Variants in PIEZO2 observed in about 807,000 individuals in gnomAD.
PIEZO2 encodes piezo type mechanosensitive ion channel component 2.
Under a neutral mutation model 337.3 loss-of-function variants are expected in PIEZO2, and 172 were observed. That is an observed-to-expected ratio of 0.51 (90% CI 0.45 to 0.58). PIEZO2 has a LOEUF of 0.58. PIEZO2 is among the 20% of genes least tolerant of loss of function. PIEZO2 has a pLI of 0.00. For synonymous variants in PIEZO2, 1,251 were observed against 1,228.5 expected, an observed-to-expected ratio of 1.02 and a Z score of -0.38; for missense variants, 3,028 against 3,391.3, an observed-to-expected ratio of 0.89 and a Z score of 2.66.
intron 2 of PIEZO2, among the ~76,000 whole-genome samples, chr18:11,004,320 G>A (rs1277950128): frequency 6.6e-6 from 1 of 152,124 alleles, no homozygotes; most frequent in Non-Finnish European, 1.5e-5. Context: ...TCCAGATTGG[G>A]GGCTTGGCCC....
At position 11,021,640 on chromosome 18, in the gene PIEZO2, T is replaced by C. The variant is rs1598840678; in HGVS notation, c.161-41980A>G. ...TGGGGGACTTTGAGTCTCACGGATC[T>C]GGTGATCCAGCACACAGCTCGTGCT... On this transcript the variant is annotated intron_variant, in intron 2 of 55. Transcript: ENST00000674853. This position sits in a 1 kb window ranked among gnomAD's most constrained non-coding sequence, Gnocchi z 4.7. Among the ~76,000 whole-genome samples the C allele has an allele frequency of 6.6e-6, 1 of 152,352 alleles. No homozygotes were observed. The highest frequency in any genetic ancestry group is 1.5e-5 in the Non-Finnish European group (1 of 68,036).
intron 3 of PIEZO2, among the ~76,000 whole-genome samples, chr18:10,947,163 TG>T (rs2033066384): frequency 1.3e-5 from 2 of 152,046 alleles, no homozygotes; most frequent in Admixed American, 1.3e-4. Context: ...GAAAAAAATC[TG>T]TAGAAAAAAA....
chr18:10,849,419 G>GA (rs11421390), intron 7 of PIEZO2, among the ~76,000 whole-genome samples: 51,359 of 152,040 alleles, frequency 0.34, 9,634 homozygotes, highest in African/African-American at 0.52. Context: ...CCACCAAGTA[G>GA]AAAAACTCAA....
At position 10,861,105 on chromosome 18, in the gene PIEZO2, TATA is replaced by T. The variant is rs1396451693; in HGVS notation, c.493-3897_493-3895del. ...CCCCAAAGTGATTCTTCTGCTGATG[TATA>T]AACACTGAACCTCTGAAAGAGCATG... On this transcript the variant is annotated intron_variant, in intron 5 of 55. Coordinates refer to ENST00000674853, the MANE Select transcript of PIEZO2 (RefSeq NM_001378183.1). This position sits in a 1 kb window ranked among gnomAD's most constrained non-coding sequence, Gnocchi z 4.3. 1.3e-5 allele frequency among the ~76,000 whole-genome samples: 2 copies of T among 152,212 alleles called. No individual in the cohort carries two copies. The highest frequency in any genetic ancestry group is 1.3e-4 in the Admixed American group (2 of 15,288).
chr18:11,030,349 T>C (rs767075630), intron 2 of PIEZO2, among the ~76,000 whole-genome samples: 14 of 151,954 alleles, frequency 9.2e-5, no homozygotes, highest in Non-Finnish European at 1.9e-4. Flanking sequence ...GAAAAGAGAG[T>C]ATTGCTTTTT....
rs1192311891 is a variant in PIEZO2, at chr18:10,833,362, T to C, written c.917+21991A>G. Among the ~76,000 whole-genome samples the C allele has an allele frequency of 6.6e-6, 1 of 152,174 alleles. No individual in the cohort carries two copies. Among genetic ancestry groups the C allele is most frequent in the Non-Finnish European group, 1.5e-5 (1 of 68,028 alleles). ...GTACTTCGGAGCCCACTGTGACACC[T>C]GCAGCCTCGCCCTCTCCTGTTGGAA... is the stretch of plus-strand genomic sequence containing the variant. On this transcript the variant is annotated intron_variant, in intron 7 of 55. Transcript: ENST00000674853. This position sits in a 1 kb window ranked among gnomAD's most constrained non-coding sequence, Gnocchi z 4.7.
intron 18 of PIEZO2, among the ~76,000 whole-genome samples, chr18:10,779,730 C>G (rs1034238403): frequency 6.6e-6 from 1 of 151,956 alleles, no homozygotes; most frequent in Middle Eastern, 3.2e-3. Context: ...TCAAATATCA[C>G]TTCATGGGTA....
At chr18:10,720,413 GTGTATGTATATATATATATATATA>G (rs1567983933) in intron 36 of PIEZO2, among the ~76,000 whole-genome samples, 1,620 of 36,682 alleles carry the variant, frequency 0.044, 169 homozygotes, top group African/African-American at 0.056. Context: ...GTATGTGTAT[GTGTATGTATATATATATATATATA>G]TATATATATA....
chr18:10,968,041 G>C (rs190177579), intron 3 of PIEZO2, among the ~76,000 whole-genome samples: 105 of 152,098 alleles, frequency 6.9e-4, no homozygotes, highest in Non-Finnish European at 1.2e-3. Flanking sequence ...TGGCTAGAAG[G>C]GTTTTTCCAA....
At position 10,761,108 on chromosome 18, in the gene PIEZO2, T is replaced by TAC; in HGVS notation, c.3252_3253insGT (p.Asn1085ValfsTer4). The TAC allele has an allele frequency of 2.6e-6, 4 of 1,537,012 alleles. No homozygotes were observed. The highest frequency in any genetic ancestry group is 3.5e-6 in the Non-Finnish European group (4 of 1,146,694). ...GCCAGGATAGCCAGCATCAGGAGGT[T>TAC]ATTCTACAAAGCAAGGAAACACAAA... On this transcript the variant is annotated frameshift_variant, in exon 24 of 56. Transcript: ENST00000674853. LOFTEE classifies it high-confidence loss of function.
intron 4 of PIEZO2, among the ~76,000 whole-genome samples, chr18:10,876,687 A>G (rs891524856): frequency 6.6e-6 from 1 of 152,202 alleles, no homozygotes; most frequent in African/African-American, 2.4e-5. Context: ...GTGGAAACCA[A>G]TGAGTTTTGA....
At chr18:10,782,241 A>G (rs1479859094) in intron 17 of PIEZO2, among the ~76,000 whole-genome samples, 2 of 127,282 alleles carry the variant, frequency 1.6e-5, no homozygotes, top group Non-Finnish European at 3.1e-5. Flanking sequence ...ATGATTATAT[A>G]TTATATGATA....
intron 2 of PIEZO2, among the ~76,000 whole-genome samples, chr18:11,024,283 C>T (rs1205458296): frequency 3.3e-5 from 5 of 152,072 alleles, no homozygotes; most frequent in African/African-American, 1.2e-4. Context: ...CGGTGGTTCA[C>T]GCCTGTAATC....
intron 7 of PIEZO2, among the ~76,000 whole-genome samples, chr18:10,835,023 T>A (rs1384520421): frequency 6.6e-6 from 1 of 152,132 alleles, no homozygotes; most frequent in Admixed American, 6.5e-5. Context: ...TCTGTGCCCT[T>A]ATGAAAGGGA....
chr18:10,712,489 T>C (rs1047776973), intron 39 of PIEZO2, among the ~76,000 whole-genome samples: 1 of 152,198 alleles, frequency 6.6e-6, no homozygotes, highest in Non-Finnish European at 1.5e-5. Context: ...AGCTTCTAAA[T>C]AGAACAGTTA....
Position 11,096,681 on chromosome 18 carries a change from C to G in PIEZO2, c.65-30459G>C, listed in dbSNP as rs1222412586. Among the ~76,000 whole-genome samples the G allele has an allele frequency of 6.6e-6, 1 of 152,186 alleles. No homozygotes were observed. The highest frequency in any genetic ancestry group is 1.5e-5 in the Non-Finnish European group (1 of 68,034). On this transcript the variant is annotated intron_variant, in intron 1 of 55. Transcript: ENST00000674853. This position sits in a 1 kb window ranked among gnomAD's most constrained non-coding sequence, Gnocchi z 4.6. ...ACACACACACGTATCTACCTCTTGT[C>G]TTTCAAGGAGATATATCTAAAAACT...
Position 10,819,508 on chromosome 18 carries a change from C to G in PIEZO2, c.918-12234G>C, listed in dbSNP as rs188738854. The stretch of plus-strand genomic sequence containing the variant: ...ATGTGAAACTGCCTGTTTCTTTGAT[C>G]AGATTTTAATGCTGACTGCTCTATC... On this transcript the variant is annotated intron_variant, in intron 7 of 55. Transcript: ENST00000674853. The surrounding 1 kb of genome is among the most constrained non-coding windows in gnomAD (Gnocchi z 4.3). Among the ~76,000 whole-genome samples the G allele has an allele frequency of 1.3e-5, 2 of 152,278 alleles. No homozygotes were observed. Among genetic ancestry groups the G allele is most frequent in the East Asian group, 3.9e-4 (2 of 5,182 alleles).
At chr18:10,989,313 A>G (rs2145542710) in intron 2 of PIEZO2, among the ~76,000 whole-genome samples, 1 of 152,268 alleles carries the variant, frequency 6.6e-6, no homozygotes, top group African/African-American at 2.4e-5. Context: ...AACTAGATCA[A>G]TACATATAGA....
rs1160523190 is a variant in PIEZO2, at chr18:11,105,974, T to C, written c.65-39752A>G. Among the ~76,000 whole-genome samples, 1 of 152,208 alleles carries C rather than the reference T, an allele frequency of 6.6e-6. No individual in the cohort carries two copies. The highest frequency in any genetic ancestry group is 2.4e-5 in the African/African-American group (1 of 41,468). Reference sequence around the variant, plus strand: ...AATGTTCAGCTTTCACTTTTTGGCATAGGAGGAAAAGTCATTCATGAACAA... The same window carrying C: ...AATGTTCAGCTTTCACTTTTTGGCACAGGAGGAAAAGTCATTCATGAACAA... On this transcript the variant is annotated intron_variant, in intron 1 of 55. Transcript: ENST00000674853. This position sits in a 1 kb window ranked among gnomAD's most constrained non-coding sequence, Gnocchi z 4.3.
Sources: allele counts gnomAD v4.1 joint callset (sites outside exome capture counted in the v4.1 genomes callset), GRCh38; gene constraint gnomAD v4.1.1; non-coding constraint Gnocchi (gnomAD v3.1); transcripts MANE v1.5; gene names NCBI Gene and HGNC (gene_info 2026-07-23, HGNC 2026-07-21).